ANAPC1: variants seen among roughly 807,000 people sequenced by gnomAD.
The protein encoded by ANAPC1 is anaphase-promoting complex subunit 1.
A neutral mutation model predicts 208.0 loss-of-function variants in ANAPC1; 36 were observed. The ratio of observed to expected loss-of-function variants is 0.17; its 90% CI spans 0.13 to 0.23. The LOEUF is 0.23. ANAPC1 is among the 10% of genes least tolerant of loss of function. The pLI, the probability that ANAPC1 is intolerant of heterozygous loss-of-function variation, is 1.00. For missense variants in ANAPC1, 942 were observed against 2,011.6 expected (o/e 0.47, Z 10.17); for synonymous variants, 378 against 695.2 (o/e 0.54, Z 7.18).
At position 111,813,324 on chromosome 2, in the gene ANAPC1, A is replaced by G. The variant is rs1444887534; in HGVS notation, c.3597+2046T>C. Among the ~76,000 whole-genome samples the G allele has an allele frequency of 7.3e-5, 11 of 149,714 alleles. No homozygotes were observed. The East Asian group carries it at 7.9e-4, about 11-fold the overall frequency. ...TTCGTTTACCTATGCCTTTTTAATC[A>G]TACCTGAAAGCCCGACTCCTCTGAG... On this transcript the variant is annotated intron_variant, in intron 28 of 47. Coordinates refer to ENST00000341068, the MANE Select transcript of ANAPC1 (RefSeq NM_022662.4).
At chr2:111,881,682 G>C (rs559179314) in intron 1 of ANAPC1, among the ~76,000 whole-genome samples, 1 of 152,118 alleles carries the variant, frequency 6.6e-6, no homozygotes, top group Non-Finnish European at 1.5e-5. Context: ...ATTGTCCTTC[G>C]ATCCACTTTC....
At chr2:111,789,704 G>A (rs1309286250) in intron 38 of ANAPC1, among the ~76,000 whole-genome samples, 2 of 151,806 alleles carry the variant, frequency 1.3e-5, no homozygotes, top group Non-Finnish European at 2.9e-5. Flanking sequence ...AAACATAATG[G>A]TGTAGCTATG....
At chr2:111,779,384 G>C (rs1484704298) in intron 44 of ANAPC1, 1 of 150,824 alleles carries the variant, frequency 6.6e-6, no homozygotes, top group African/African-American at 2.4e-5. Context: ...ATAAAAAAGA[G>C]AGGGGAAGGT....
chr2:111,777,357 C>T (rs1175737798), intron 45 of ANAPC1, among the ~76,000 whole-genome samples: 4 of 152,144 alleles, frequency 2.6e-5, no homozygotes, highest in East Asian at 3.9e-4. Context: ...CATAGCCAGT[C>T]ACCTCTGGGA....
intron 34 of ANAPC1, among the ~76,000 whole-genome samples, chr2:111,796,225 A>G (rs1678158587): frequency 2.0e-5 from 3 of 150,444 alleles, no homozygotes; most frequent in Admixed American, 2.0e-4. Flanking sequence ...ACCCTGTCTC[A>G]GTCTCAAAAA....
intron 46 of ANAPC1, among the ~76,000 whole-genome samples, chr2:111,773,725 A>T (rs1274951732): frequency 6.6e-6 from 1 of 152,010 alleles, no homozygotes; most frequent in Non-Finnish European, 1.5e-5. Flanking sequence ...GAGGGAAAAC[A>T]GCATATTCAA....
At chr2:111,844,981 G>A (rs1490998181) in intron 16 of ANAPC1, among the ~76,000 whole-genome samples, 1 of 152,168 alleles carries the variant, frequency 6.6e-6, no homozygotes, top group Non-Finnish European at 1.5e-5. Flanking sequence ...AAGTAGCAAG[G>A]ACTACAGATG....
chr2:111,825,064 T>C (rs763160348), intron 23 of ANAPC1, 28 bp from the exon 24 acceptor site: 5 of 1,613,868 alleles, frequency 3.1e-6, no homozygotes, highest in South Asian at 1.1e-5. Flanking sequence ...ATAAAGTTAT[T>C]AAGCAGAACA....
At chr2:111,882,909 T>C (rs931342250) in intron 1 of ANAPC1, among the ~76,000 whole-genome samples, 1 of 152,134 alleles carries the variant, frequency 6.6e-6, no homozygotes, top group South Asian at 2.1e-4. Context: ...GGCTCACGCC[T>C]GTAATCCCAG....
At position 111,824,709 on chromosome 2, in the gene ANAPC1, T is replaced by C. The variant is rs566002616; in HGVS notation, c.2812+257A>G. 8.5e-5 allele frequency among the ~76,000 whole-genome samples: 13 copies of C among 152,344 alleles called. No individual in the cohort carries two copies. The East Asian group carries it at 1.9e-3, about 23-fold the overall frequency. On this transcript the variant is annotated intron_variant, in intron 24 of 47. Transcript: ENST00000341068. ...CTCCATTCTCAGAGACCAGCTTACA[T>C]AGCCACAGCCTCAAATGTTCCAATT...
intron 14 of ANAPC1, among the ~76,000 whole-genome samples, chr2:111,849,191 G>C (rs1442740294): frequency 1.3e-5 from 2 of 152,216 alleles, no homozygotes; most frequent in Non-Finnish European, 2.9e-5. Flanking sequence ...AAGTCTACTA[G>C]CAAAATCTTC....
At chr2:111,794,752 T>C (rs1197242324) in intron 35 of ANAPC1, 66 bp downstream of exon 35, 22 of 951,082 alleles carry the variant, frequency 2.3e-5, no homozygotes, top group South Asian at 1.9e-4. Context: ...TACTCCCACA[T>C]GGTATATTTC....
chr2:111,826,669 T>TTTA (rs1282337252), intron 21 of ANAPC1, among the ~76,000 whole-genome samples: 2,424 of 134,132 alleles, frequency 0.018, 36 homozygotes, highest in Middle Eastern at 0.031. Flanking sequence ...TTATTTATTT[T>TTTA]TTTTTTTTTT....
intron 20 of ANAPC1, among the ~76,000 whole-genome samples, chr2:111,832,456 A>G (rs1270931815): frequency 6.6e-6 from 1 of 150,648 alleles, no homozygotes; most frequent in Non-Finnish European, 1.5e-5. Context: ...AGGATAGTAC[A>G]GTGGTGATGG....
chr2:111,858,457 A>T (rs1239918878), intron 10 of ANAPC1, 56 bp from the exon 11 acceptor site: 2 of 1,478,398 alleles, frequency 1.4e-6, no homozygotes, highest in African/African-American at 2.8e-5. Flanking sequence ...AATCTACCAC[A>T]GTAACTATTA....
intron 46 of ANAPC1, among the ~76,000 whole-genome samples, chr2:111,775,064 G>A (rs879640652): frequency 9.2e-5 from 14 of 152,130 alleles, no homozygotes; most frequent in African/African-American, 9.7e-5. Flanking sequence ...TCAGGAGTTC[G>A]AGATCAGACT....
At chr2:111,847,275 A>T (rs968512927) in intron 15 of ANAPC1, 77 bp from the exon 16 acceptor site, 1 of 946,532 alleles carries the variant, frequency 1.1e-6, no homozygotes, top group African/African-American at 1.7e-5. Context: ...TAGCTGGTAC[A>T]AGACTTTGCC....
rs773559651 is a variant in ANAPC1, at chr2:111,868,050, T to C, written c.658A>G (p.Ile220Val). ...CCAGATTTACAAACAAGTGGAGTTA[T>C]TTCATCTAGTGGGTGCAGCATGCTG... ...MFSMLHPLDE[I>V]TPLVCKSGSL... is the part of the protein sequence containing the mutation. The change falls in exon 7 of 48, where the codon ATA becomes GTA. Residue 220 changes from isoleucine (I) to valine (V), a missense_variant. Physicochemically the swap from Ile to Val is conservative, Grantham distance 29 (BLOSUM62 3). Transcript: ENST00000341068. The C allele has an allele frequency of 3.9e-5, 63 of 1,595,172 alleles. No individual in the cohort carries two copies. Among genetic ancestry groups the C allele is most frequent in the Non-Finnish European group, 8.5e-6 (10 of 1,171,868 alleles).
At chr2:111,820,728 G>A (rs1679483614) in intron 26 of ANAPC1, among the ~76,000 whole-genome samples, 1 of 143,054 alleles carries the variant, frequency 7.0e-6, no homozygotes, top group Non-Finnish European at 1.5e-5. Flanking sequence ...GTCTTATAAT[G>A]TATCAAGGGA....
Sources: gnomAD v4.1 joint callset for allele counts (sites outside exome capture counted in the v4.1 genomes callset) on GRCh38, gnomAD v4.1.1 for gene constraint, MANE v1.5 for transcripts, NCBI Gene and HGNC (gene_info 2026-07-23, HGNC 2026-07-21) for gene names.